The following CDH13 variants were observed in gnomAD, a reference collection of about 807,000 sequenced individuals.
The protein encoded by CDH13 is cadherin 13.
CDH13 carries 24 observed loss-of-function variants against 63.8 expected under a neutral mutation model. The ratio of observed to expected loss-of-function variants is 0.38; its 90% CI spans 0.27 to 0.53. The LOEUF is 0.53. Ranked by LOEUF, CDH13 falls within the 20% of genes least tolerant of loss-of-function variation. The pLI is 0.85. For missense variants in CDH13, 1,049 were observed against 903.1 expected, an observed-to-expected ratio of 1.16 and a Z score of -2.07; for synonymous variants, 503 against 355.3, an observed-to-expected ratio of 1.42 and a Z score of -4.67.
chr16:83,495,482 G>T (rs2130155), intron 7 of CDH13, among the ~76,000 whole-genome samples: 1 of 152,030 alleles, frequency 6.6e-6, no homozygotes, highest in South Asian at 2.1e-4. Flanking sequence ...AATGTTTCTT[G>T]TCAGACTTTA....
intron 6 of CDH13, among the ~76,000 whole-genome samples, chr16:83,417,781 C>T (rs910381965): frequency 6.6e-6 from 1 of 152,178 alleles, no homozygotes; most frequent in Non-Finnish European, 1.5e-5. Flanking sequence ...AATCAGAATT[C>T]TCTTTTCCAA....
intron 3 of CDH13, among the ~76,000 whole-genome samples, chr16:83,080,871 GTTTTTTTTTTTTT>G (rs71148809): frequency 4.3e-5 from 2 of 46,928 alleles, no homozygotes; most frequent in Admixed American, 7.5e-4. Flanking sequence ...TTGTTTTTGT[GTTTTTTTTTTTTT>G]TTTTTTTTTT....
intron 6 of CDH13, among the ~76,000 whole-genome samples, chr16:83,347,087 G>C (rs2090855018): frequency 6.6e-6 from 1 of 152,186 alleles, no homozygotes; most frequent in Admixed American, 6.5e-5. Flanking sequence ...AAGCCACTTA[G>C]ATTACTTAGC....
chr16:82,842,182 ATACACATATATG>A (rs2039064628), intron 1 of CDH13, among the ~76,000 whole-genome samples: 1 of 136,996 alleles, frequency 7.3e-6, no homozygotes, highest in African/African-American at 2.7e-5. Flanking sequence ...ACACATATAT[ATACACATATATG>A]TATACACACA....
intron 6 of CDH13, among the ~76,000 whole-genome samples, chr16:83,392,694 G>A (rs748159780): frequency 6.6e-6 from 1 of 152,230 alleles, no homozygotes; most frequent in Non-Finnish European, 1.5e-5. Context: ...AAGAAAAGAC[G>A]CTGGGAGTAC....
chr16:82,671,929 T>A (rs1913294900), intron 1 of CDH13, among the ~76,000 whole-genome samples: 1 of 152,190 alleles, frequency 6.6e-6, no homozygotes, highest in African/African-American at 2.4e-5. Flanking sequence ...TGTGTCTCAC[T>A]ACAGAAGGAG....
chr16:83,687,080 G>A (rs1567516034), intron 10 of CDH13, among the ~76,000 whole-genome samples: 2 of 152,134 alleles, frequency 1.3e-5, no homozygotes, highest in Admixed American at 1.3e-4. Context: ...AGGCATGGTG[G>A]TGCTTGCCTG....
chr16:83,310,685 C>T (rs1459068918), intron 5 of CDH13, among the ~76,000 whole-genome samples: 1 of 152,210 alleles, frequency 6.6e-6, no homozygotes, highest in Non-Finnish European at 1.5e-5. Context: ...AACCCTGGTG[C>T]TTGTACAATG....
chr16:82,976,645 G>A (rs1230952385), intron 2 of CDH13, among the ~76,000 whole-genome samples: 2 of 152,200 alleles, frequency 1.3e-5, no homozygotes, highest in African/African-American at 4.8e-5. Context: ...GCTTGCAGAT[G>A]TGCAAATGGT....
At chr16:83,681,198 G>A (rs544724760) in intron 10 of CDH13, among the ~76,000 whole-genome samples, 39 of 152,170 alleles carry the variant, frequency 2.6e-4, no homozygotes, top group African/African-American at 6.0e-4. Context: ...GAGGAAGTGC[G>A]GGAGGCTAGT....
intron 1 of CDH13, among the ~76,000 whole-genome samples, chr16:82,852,672 A>G (rs1186771111): frequency 1.3e-5 from 2 of 152,216 alleles, no homozygotes; most frequent in African/African-American, 4.8e-5. Context: ...ATCTAAAGCA[A>G]AAGTTGCCAA....
chr16:83,225,225 C>T (rs546734985), intron 5 of CDH13, among the ~76,000 whole-genome samples: 2 of 152,142 alleles, frequency 1.3e-5, no homozygotes, highest in African/African-American at 4.8e-5. Flanking sequence ...GGCAGCTGAC[C>T]TGATCACTAA....
intron 4 of CDH13, among the ~76,000 whole-genome samples, chr16:83,191,460 T>TATAGATATAG (rs749021673): frequency 0.059 from 4,075 of 69,528 alleles, 123 homozygotes; most frequent in Non-Finnish European, 0.07. Context: ...TAATAGGAAA[T>TATAGATATAG]ATATATATAT....
chr16:83,511,048 G>A (rs2074544867), intron 7 of CDH13, among the ~76,000 whole-genome samples: 1 of 131,582 alleles, frequency 7.6e-6, no homozygotes, highest in Non-Finnish European at 1.6e-5. Context: ...ATGCACACGT[G>A]TGTGCACACA....
chr16:83,785,404 C>G (rs1053023055), intron 13 of CDH13, among the ~76,000 whole-genome samples: 2 of 152,204 alleles, frequency 1.3e-5, no homozygotes, highest in African/African-American at 4.8e-5. Flanking sequence ...AGGACACTGA[C>G]TTCCTGACCC....
intron 3 of CDH13, among the ~76,000 whole-genome samples, chr16:83,101,886 G>T (rs990545496): frequency 6.6e-6 from 1 of 152,142 alleles, no homozygotes; most frequent in Non-Finnish European, 1.5e-5. Context: ...GAACTGCTGT[G>T]GAAGACAGAA....
At position 83,014,771 on chromosome 16, in the gene CDH13, TATA is replaced by T. The variant is rs1567745745; in HGVS notation, c.158-17238_158-17236del. On this transcript the variant is annotated intron_variant, in intron 2 of 13. Coordinates refer to ENST00000567109, the MANE Select transcript of CDH13 (RefSeq NM_001257.5). ...ATATATATATATATATATATATATA[TATA>T]TGTATATATATATATTTGTATATAT... Among the ~76,000 whole-genome samples, 101 of 37,706 alleles carry T rather than the reference TATA, an allele frequency of 2.7e-3. 1 individual carries two copies. Among genetic ancestry groups the T allele is most frequent in the African/African-American group, 8.0e-3 (100 of 12,462 alleles). 24.7% of individuals were successfully genotyped at this position (37,706 alleles called of 152,430 possible).
intron 4 of CDH13, among the ~76,000 whole-genome samples, chr16:83,196,021 C>T (rs1214665866): frequency 5.9e-5 from 9 of 152,196 alleles, no homozygotes; most frequent in Admixed American, 2.0e-4. Flanking sequence ...TTTGGGAGGC[C>T]GAGGCAGGCG....
intron 6 of CDH13, among the ~76,000 whole-genome samples, chr16:83,424,237 G>A (rs985159274): frequency 2.7e-5 from 4 of 149,392 alleles, no homozygotes; most frequent in African/African-American, 9.7e-5. Context: ...GTCTAGAAGA[G>A]GAAAATCCAA....
Sources: allele counts gnomAD v4.1 joint callset (sites outside exome capture counted in the v4.1 genomes callset), GRCh38; gene constraint gnomAD v4.1.1; transcripts MANE v1.5; gene names NCBI Gene and HGNC (gene_info 2026-07-23, HGNC 2026-07-21).